PRKD1: variants seen among roughly 807,000 people sequenced by gnomAD.
PRKD1 encodes the protein protein kinase D1.
In PRKD1, 63 loss-of-function variants were observed where a neutral mutation model predicts 95.9. That is an observed-to-expected ratio of 0.66 (90% CI 0.54 to 0.81). PRKD1 has a LOEUF of 0.81. Among genes scored for constraint, PRKD1 ranks in the 30% least tolerant of loss-of-function variants. The pLI is 0.00. For missense variants in PRKD1, 1,048 were observed against 1,165.3 expected (o/e 0.90, Z 1.47); for synonymous variants, 425 against 423.1 (o/e 1.00, Z -0.05).
At chr14:29,816,348 C>T (rs1890693532) in intron 1 of PRKD1, among the ~76,000 whole-genome samples, 1 of 152,174 alleles carries the variant, frequency 6.6e-6, no homozygotes, top group Non-Finnish European at 1.5e-5. Flanking sequence ...TCCTGAGCTA[C>T]CAACAATGCC....
intron 1 of PRKD1, among the ~76,000 whole-genome samples, chr14:29,766,512 G>A (rs1191886350): frequency 1.3e-5 from 2 of 152,192 alleles, no homozygotes; most frequent in South Asian, 4.1e-4. Flanking sequence ...TATTGCCCAC[G>A]AATTTCATCA....
At chr14:29,877,700 C>T (rs940782147) in intron 1 of PRKD1, among the ~76,000 whole-genome samples, 14 of 152,294 alleles carry the variant, frequency 9.2e-5, no homozygotes, top group Non-Finnish European at 2.1e-4. Flanking sequence ...CACTCTTCTG[C>T]ATATGGCTAA....
At chr14:29,738,062 A>G (rs1886811278) in intron 1 of PRKD1, among the ~76,000 whole-genome samples, 1 of 152,202 alleles carries the variant, frequency 6.6e-6, no homozygotes, top group African/African-American at 2.4e-5. Flanking sequence ...TCCATTTAGA[A>G]ACCACATTAT....
chr14:29,698,840 C>T (rs915518570), intron 2 of PRKD1, among the ~76,000 whole-genome samples: 1 of 151,994 alleles, frequency 6.6e-6, no homozygotes, highest in African/African-American at 2.4e-5. Flanking sequence ...CCTGCACTAA[C>T]CTCATGAAGT....
intron 1 of PRKD1, among the ~76,000 whole-genome samples, chr14:29,793,855 T>C (rs1052275910): frequency 3.3e-5 from 5 of 152,090 alleles, no homozygotes; most frequent in Admixed American, 6.6e-5. Context: ...TTTGCACTAA[T>C]GGTAAAATTA....
intron 1 of PRKD1, among the ~76,000 whole-genome samples, chr14:29,826,822 T>TATATACATATATATACAC (rs1891195722): frequency 3.4e-5 from 1 of 29,470 alleles, no homozygotes; most frequent in Non-Finnish European, 6.2e-5. Context: ...TACACATATA[T>TATATACATATATATACAC]ATATATATAT....
At chr14:29,902,026 T>C (rs1337383641) in intron 1 of PRKD1, among the ~76,000 whole-genome samples, 1 of 152,172 alleles carries the variant, frequency 6.6e-6, no homozygotes, top group African/African-American at 2.4e-5. Context: ...ACCAGTATTC[T>C]CTTGCCACAC....
At chr14:29,723,394 C>A (rs917109634) in intron 2 of PRKD1, among the ~76,000 whole-genome samples, 4 of 151,790 alleles carry the variant, frequency 2.6e-5, no homozygotes, top group Non-Finnish European at 5.9e-5. Flanking sequence ...AGTCAGGATG[C>A]AAGGAAGACA....
At chr14:29,720,153 G>A (rs916567165) in intron 2 of PRKD1, among the ~76,000 whole-genome samples, 2 of 152,182 alleles carry the variant, frequency 1.3e-5, no homozygotes, top group African/African-American at 4.8e-5. Flanking sequence ...ATTTATTGTG[G>A]AGTTGCTATG....
chr14:29,780,973 G>C (rs1889016585), intron 1 of PRKD1, among the ~76,000 whole-genome samples: 1 of 152,050 alleles, frequency 6.6e-6, no homozygotes, highest in Non-Finnish European at 1.5e-5. Context: ...AAAAGGATGA[G>C]TTCATGTCCT....
chr14:29,766,124 AAGAC>A (rs908692010), intron 1 of PRKD1, among the ~76,000 whole-genome samples: 4 of 152,058 alleles, frequency 2.6e-5, no homozygotes, highest in African/African-American at 7.2e-5. Flanking sequence ...GGAGAGGAGA[AAGAC>A]AGGGGAATAA....
intron 1 of PRKD1, among the ~76,000 whole-genome samples, chr14:29,904,197 A>T (rs2139434366): frequency 6.6e-6 from 1 of 152,336 alleles, no homozygotes; most frequent in East Asian, 1.9e-4. Flanking sequence ...TGTTCACTAC[A>T]ACAGGAATTG....
At chr14:29,762,320 C>T (rs1024334303) in intron 1 of PRKD1, among the ~76,000 whole-genome samples, 2 of 152,068 alleles carry the variant, frequency 1.3e-5, no homozygotes, top group Admixed American at 6.6e-5. Flanking sequence ...TCTTGAACTC[C>T]ACTCCCTTTG....
intron 1 of PRKD1, among the ~76,000 whole-genome samples, chr14:29,864,670 T>C (rs1374903338): frequency 2.0e-5 from 3 of 152,182 alleles, no homozygotes; most frequent in East Asian, 3.9e-4. Flanking sequence ...TGTAGGTAAG[T>C]TGAGGGATAG....
At chr14:29,771,065 C>T (rs1888486996) in intron 1 of PRKD1, among the ~76,000 whole-genome samples, 2 of 151,884 alleles carry the variant, frequency 1.3e-5, no homozygotes, top group African/African-American at 4.8e-5. Flanking sequence ...AGGAACTATT[C>T]AAAGACAAAA....
At chr14:29,801,149 G>T (rs1361394416) in intron 1 of PRKD1, among the ~76,000 whole-genome samples, 2 of 152,016 alleles carry the variant, frequency 1.3e-5, no homozygotes. Flanking sequence ...CTAAGGGCAG[G>T]CAAGCTAGCT....
At chr14:29,685,241 G>A (rs1883790111) in intron 2 of PRKD1, among the ~76,000 whole-genome samples, 1 of 152,182 alleles carries the variant, frequency 6.6e-6, no homozygotes, top group Non-Finnish European at 1.5e-5. Flanking sequence ...ATGACTGCTA[G>A]GATGTATGTC....
At chr14:29,648,503 G>A (rs1241789806) in intron 4 of PRKD1, among the ~76,000 whole-genome samples, 1 of 152,156 alleles carries the variant, frequency 6.6e-6, no homozygotes, top group African/African-American at 2.4e-5. Context: ...ATTATTGAAA[G>A]ATGACAACCA....
intron 1 of PRKD1, among the ~76,000 whole-genome samples, chr14:29,758,139 TA>T (rs895857433): frequency 2.2e-5 from 3 of 134,716 alleles, no homozygotes; most frequent in South Asian, 4.7e-4. Context: ...ACGGAGTAAA[TA>T]AAAAAACTCT....
Sources: allele counts gnomAD v4.1 joint callset (sites outside exome capture counted in the v4.1 genomes callset), GRCh38; gene constraint gnomAD v4.1.1; transcripts MANE v1.5; gene names NCBI Gene and HGNC (gene_info 2026-07-23, HGNC 2026-07-21).